The following SYNE1 variants were observed in gnomAD, a reference collection of about 807,000 sequenced individuals.
SYNE1 encodes the protein spectrin repeat containing nuclear envelope protein 1.
Under a neutral mutation model 1,111.0 loss-of-function variants are expected in SYNE1, and 616 were observed. That is an observed-to-expected ratio of 0.55 (90% CI 0.52 to 0.59). The LOEUF (loss-of-function observed/expected upper bound fraction) is 0.59, where lower values mean the gene tolerates loss of function less well. Among genes scored for constraint, SYNE1 ranks in the 20% least tolerant of loss-of-function variants. The pLI is 0.00. For synonymous variants in SYNE1, 3,855 were observed against 3,825.8 expected, an observed-to-expected ratio of 1.01 and a Z score of -0.28; for missense variants, 10,006 against 10,417.0, an observed-to-expected ratio of 0.96 and a Z score of 1.72.
chr6:152,427,491 AG>A (rs1441504461), intron 38 of SYNE1: 2 of 630,024 alleles, frequency 3.2e-6, no homozygotes, highest in Non-Finnish European at 2.7e-6. Context: ...ATCATCACAA[AG>A]TTCTCATTGT....
rs1368676712 is a variant in SYNE1, at chr6:152,433,776, T to A, written c.4461+19A>T. ...AAAAGCTAGACATGGATTATAAATA[T>A]AATGTGTGAGCAGGTCACCTTAATT... On this transcript the variant is annotated intron_variant, in intron 34 of 145. Coordinates refer to ENST00000367255, the MANE Select transcript of SYNE1 (RefSeq NM_182961.4). 1.2e-6 allele frequency: 2 copies of A among 1,613,478 alleles called. No individual in the cohort carries two copies.
At chr6:152,184,217 C>T (rs1479477745) in intron 128 of SYNE1, among the ~76,000 whole-genome samples, 1 of 152,154 alleles carries the variant, frequency 6.6e-6, no homozygotes, top group Non-Finnish European at 1.5e-5. Context: ...AGGTGGATCA[C>T]TTGAGGTCAG....
chr6:152,418,602 GA>G (rs2098203405), intron 40 of SYNE1, among the ~76,000 whole-genome samples: 1 of 152,186 alleles, frequency 6.6e-6, no homozygotes, highest in Admixed American at 6.5e-5. Context: ...TGGGGAGTCA[GA>G]AAATGATACC....
chr6:152,394,316 A>T (rs2097696605), intron 51 of SYNE1, among the ~76,000 whole-genome samples: 2 of 152,154 alleles, frequency 1.3e-5, no homozygotes, highest in South Asian at 4.1e-4. Context: ...TAGTAGAATG[A>T]TTTCTAATAT....
chr6:152,626,544 C>T lies in SYNE1; in HGVS notation c.67+1721G>A, dbSNP rs145547351. Among the ~76,000 whole-genome samples the T allele has an allele frequency of 3.1e-4, 47 of 152,272 alleles. 1 individual carries two copies. In the East Asian group the frequency reaches 8.1e-3, roughly 26 times the overall value. On this transcript the variant is annotated intron_variant, in intron 3 of 145. Coordinates refer to ENST00000367255, the MANE Select transcript of SYNE1 (RefSeq NM_182961.4). ...AGATGTACAACTTAAATCTGAGATC[C>T]TTGGTGCTGGTCAGACCCAAGCAGA...
chr6:152,583,404 T>C (rs942017173), intron 3 of SYNE1, among the ~76,000 whole-genome samples: 2 of 152,196 alleles, frequency 1.3e-5, no homozygotes, highest in Non-Finnish European at 2.9e-5. Flanking sequence ...ATTACCTCAC[T>C]GTACTGAGCC....
At chr6:152,636,906 G>A (rs1335643711) in intron 1 of SYNE1, 101 bp from the exon 2 acceptor site, 1 of 152,304 alleles carries the variant, frequency 6.6e-6, no homozygotes, top group Non-Finnish European at 1.5e-5. Context: ...CTCCCGCGCC[G>A]GGCTGCTCAG....
At chr6:152,302,473 C>T (rs2095229336) in intron 91 of SYNE1, among the ~76,000 whole-genome samples, 1 of 152,194 alleles carries the variant, frequency 6.6e-6, no homozygotes. Context: ...ATGGCTAAAA[C>T]CACACCAAAA....
chr6:152,479,551 C>T (rs1025263814), intron 14 of SYNE1, among the ~76,000 whole-genome samples: 1 of 152,142 alleles, frequency 6.6e-6, no homozygotes, highest in Non-Finnish European at 1.5e-5. Flanking sequence ...TTGGGCAAGT[C>T]ACTTAACCTC....
rs2096234939 is a variant in SYNE1, at chr6:152,331,002, C to A, written c.13683G>T (p.Leu4561Phe). Residue 4561 changes from leucine to phenylalanine, a missense_variant, in exon 78 of 146, where the codon TTG (leucine) becomes TTT (phenylalanine). Physicochemically the swap from Leu to Phe is conservative, Grantham distance 22 (BLOSUM62 0). Around this residue, in one of 7 missense-constraint regions of SYNE1, gnomAD observed 4,955 missense variants for 5,017.2 expected, o/e 0.99. Transcript: ENST00000367255. ...SHRLQELEKNLVSRKHFKEDF... is the reference protein window; with the variant it reads ...SHRLQELEKNFVSRKHFKEDF... Reference sequence around the variant, plus strand: ...CTTCCTTAAAATGCTTCCTAGAAACCAAATTCTTCTCTAGTTCTTGTAACC... The same window carrying A: ...CTTCCTTAAAATGCTTCCTAGAAACAAAATTCTTCTCTAGTTCTTGTAACC... 1 of 1,614,072 alleles carries A rather than the reference C, an allele frequency of 6.2e-7. No individual in the cohort carries two copies. Among genetic ancestry groups the A allele is most frequent in the Non-Finnish European group, 8.5e-7 (1 of 1,180,022 alleles).
rs5880967 is a variant in SYNE1, at chr6:152,350,784, G to GAA, written c.11581-16_11581-15dup. Reference sequence around the variant, plus strand: ...TTGTTGAAGTGACTTGAATTACAAAGAAAAAAAAATGAGCCTGCTCATCTC... The same window carrying GAA: ...TTGTTGAAGTGACTTGAATTACAAAGAAAAAAAAAAATGAGCCTGCTCATCTC... On this transcript the variant is annotated splice_polypyrimidine_tract_variant and intron_variant, in intron 70 of 145. Coordinates refer to ENST00000367255, the MANE Select transcript of SYNE1 (RefSeq NM_182961.4). The GAA allele has an allele frequency of 6.3e-4, 977 of 1,541,402 alleles. No individual in the cohort carries two copies. Among genetic ancestry groups the GAA allele is most frequent in the East Asian group, 8.4e-4 (36 of 42,658 alleles).
At chr6:152,415,407 CACAGAGCTCAAATG>C (rs563984209) in intron 41 of SYNE1, among the ~76,000 whole-genome samples, 210 of 152,250 alleles carry the variant, frequency 1.4e-3, no homozygotes, top group African/African-American at 4.8e-3. Flanking sequence ...TTTAAATGAA[CACAGAGCTCAAATG>C]ACAGTTCATC....
chr6:152,135,019 C>T, intron 142 of SYNE1, 85 bp downstream of exon 142: 1 of 1,582,508 alleles, frequency 6.3e-7, no homozygotes, highest in Non-Finnish European at 8.7e-7. Context: ...AAAGAAACAA[C>T]ACTTACCACT....
chr6:152,310,906 C>T (rs373329640), intron 87 of SYNE1, 33 bp from the exon 88 acceptor site: 37 of 1,603,680 alleles, frequency 2.3e-5, no homozygotes, highest in East Asian at 6.7e-5. Flanking sequence ...ATGACATTGA[C>T]GGGCAGGTAG....
chr6:152,184,301 G>A (rs1162043238), intron 128 of SYNE1, among the ~76,000 whole-genome samples: 1 of 152,078 alleles, frequency 6.6e-6, no homozygotes, highest in Non-Finnish European at 1.5e-5. Flanking sequence ...GCAGGGCATG[G>A]TGGCAGGTGC....
At position 152,230,719 on chromosome 6, in the gene SYNE1, A is replaced by G. The variant is rs780320441; in HGVS notation, c.21040-17T>C. ...CAGCTGGATCTGAACAAACACAATA[A>G]AATGAAATTTGCAACTTTATTTTAA... is the stretch of plus-strand genomic sequence containing the variant. On this transcript the variant is annotated splice_polypyrimidine_tract_variant and intron_variant, in intron 114 of 145. Transcript: ENST00000367255. 3 of 1,613,320 alleles carry G rather than the reference A, an allele frequency of 1.9e-6. No homozygotes were observed. Among genetic ancestry groups the G allele is most frequent in the Non-Finnish European group, 2.5e-6 (3 of 1,179,588 alleles).
At chr6:152,275,657 A>C (rs1589182818) in intron 98 of SYNE1, among the ~76,000 whole-genome samples, 1 of 152,022 alleles carries the variant, frequency 6.6e-6, no homozygotes, top group South Asian at 2.1e-4. Context: ...AGGTGGGTGG[A>C]TTGCCTGTGC....
chr6:152,505,497 T>G, intron 8 of SYNE1, 100 bp from the exon 9 acceptor site: 1 of 1,248,912 alleles, frequency 8.0e-7, no homozygotes, highest in Non-Finnish European at 1.1e-6. Context: ...ACCAACGATA[T>G]GCAGAGAGCT....
At chr6:152,366,364 C>CAA (rs2097079260) in intron 62 of SYNE1, among the ~76,000 whole-genome samples, 1 of 151,586 alleles carries the variant, frequency 6.6e-6, no homozygotes, top group African/African-American at 2.4e-5. Flanking sequence ...AAAAACAGAA[C>CAA]AAAAACTTGG....
Sources: allele counts gnomAD v4.1 joint callset (sites outside exome capture counted in the v4.1 genomes callset), GRCh38; gene constraint gnomAD v4.1.1; regional missense constraint gnomAD v4.1.1; transcripts MANE v1.5; gene names NCBI Gene and HGNC (gene_info 2026-07-23, HGNC 2026-07-21).